The following CAST variants were observed in gnomAD, a reference collection of about 807,000 sequenced individuals.
CAST encodes MIR583 host.
In CAST, 76 loss-of-function variants were observed where a neutral mutation model predicts 119.6. The ratio of observed to expected loss-of-function variants is 0.64; its 90% CI spans 0.53 to 0.77. The LOEUF (loss-of-function observed/expected upper bound fraction) is 0.77. CAST is among the 30% of genes least tolerant of loss of function. The pLI is 0.00. For synonymous variants in CAST, 319 were observed against 331.6 expected (o/e 0.96, Z 0.41); for missense variants, 953 against 946.5 (o/e 1.01, Z -0.09).
chr5:96,378,213 C>G, the CAST span, among the ~76,000 whole-genome samples: 1 of 152,050 alleles, frequency 6.6e-6, no homozygotes, highest in Non-Finnish European at 1.5e-5. Context: ...TATAAAGTTT[C>G]AGTTATACAA....
the CAST span, among the ~76,000 whole-genome samples, chr5:96,064,343 A>G: frequency 3.9e-5 from 6 of 152,182 alleles, no homozygotes; most frequent in African/African-American, 1.2e-4. Flanking sequence ...AGACTCTCAT[A>G]AACCTAGAGT....
In CAST at chr5:96,662,456, C is replaced by T; in HGVS notation, c.34C>T (p.Pro12Ser). The change falls in exon 1 of 32, where the codon CCG becomes TCG. Residue 12 changes from proline to serine, a missense_variant. Physicochemically the swap from Pro to Ser is moderately conservative, Grantham distance 74. Coordinates refer to ENST00000675179, the MANE Select transcript of CAST (RefSeq NM_001750.7). Reference sequence around the variant, plus strand: ...GCCCGGCCAGAAGCCCGCCGCCTCCCCGCGGCCCCGGCGAGCAGCCGCCGC... The same window carrying T: ...GCCCGGCCAGAAGCCCGCCGCCTCCTCGCGGCCCCGGCGAGCAGCCGCCGC... ...SQPGQKPAASPRPRRAAAARR... is the reference protein window; with the variant it reads ...SQPGQKPAASSRPRRAAAARR... 1 of 1,438,160 alleles carries T rather than the reference C, an allele frequency of 7.0e-7. No individual in the cohort carries two copies. The highest frequency in any genetic ancestry group is 9.1e-7 in the Non-Finnish European group (1 of 1,100,514). The allele number at this position is 1,438,160 out of a possible 1,614,324, so 89.1% of individuals were successfully genotyped here. A position where few individuals can be genotyped will look rare whatever the true frequency, so the allele number is the denominator to read the frequency against.
At chr5:96,178,510 A>G in the CAST span, among the ~76,000 whole-genome samples, 4 of 152,318 alleles carry the variant, frequency 2.6e-5, no homozygotes, top group Admixed American at 2.6e-4. Context: ...GGGGGCTAAT[A>G]GAATAGAAGA....
the CAST span, among the ~76,000 whole-genome samples, chr5:96,111,219 C>A: frequency 1.2e-4 from 18 of 152,162 alleles, no homozygotes; most frequent in African/African-American, 4.3e-4. Context: ...CTAAAGGATA[C>A]AAATGAACAG....
intron 1 of CAST, among the ~76,000 whole-genome samples, chr5:96,605,484 TCTC>T (rs1297030869): frequency 1.3e-5 from 2 of 152,252 alleles, no homozygotes; most frequent in African/African-American, 4.8e-5. Context: ...TATTTTGCCT[TCTC>T]CTGATCTTGT....
chr5:96,108,611 C>T, the CAST span, among the ~76,000 whole-genome samples: 1 of 152,150 alleles, frequency 6.6e-6, no homozygotes. Context: ...TCTGGGAGAA[C>T]CACTGCTCTC....
At chr5:96,520,842 C>T (rs534838365), upstream of CAST, among the ~76,000 whole-genome samples, 6 of 152,242 alleles carry the variant, frequency 3.9e-5, no homozygotes, top group East Asian at 9.7e-4. Context: ...CCATTCCAGA[C>T]CCTGAATGGA....
At chr5:96,160,580 A>C in the CAST span, among the ~76,000 whole-genome samples, 1 of 152,130 alleles carries the variant, frequency 6.6e-6, no homozygotes, top group Non-Finnish European at 1.5e-5. Flanking sequence ...CATTATGTTC[A>C]AGTTTTGAGT....
chr5:96,220,730 ATTTTGTTTCTAAATAG>A, the CAST span, among the ~76,000 whole-genome samples: 2 of 152,188 alleles, frequency 1.3e-5, no homozygotes, highest in African/African-American at 4.8e-5. Context: ...TGTTTGATTC[ATTTTGTTTCTAAATAG>A]TTCTAAGCTT....
the CAST span, among the ~76,000 whole-genome samples, chr5:96,044,038 A>C: frequency 6.6e-6 from 1 of 152,256 alleles, no homozygotes; most frequent in Non-Finnish European, 1.5e-5. Flanking sequence ...TAGATCTTAG[A>C]AACACAATAT....
chr5:96,401,521 TC>T, the CAST span, among the ~76,000 whole-genome samples: 2 of 152,308 alleles, frequency 1.3e-5, no homozygotes, highest in Non-Finnish European at 2.9e-5. Flanking sequence ...AAATCATAAG[TC>T]TTAGTAAGAT....
At chr5:96,608,663 G>T (rs261209) in intron 1 of CAST, among the ~76,000 whole-genome samples, 56,013 of 152,004 alleles carry the variant, frequency 0.37, 11,056 homozygotes, top group Admixed American at 0.45. Flanking sequence ...ATTCTTGCAT[G>T]GTTATAAAGA....
At chr5:96,019,937 T>C in the CAST span, among the ~76,000 whole-genome samples, 2 of 152,254 alleles carry the variant, frequency 1.3e-5, no homozygotes, top group African/African-American at 2.4e-5. Flanking sequence ...TTATTAAGCA[T>C]GTGCCTCTTG....
chr5:96,478,081 T>G, the CAST span, among the ~76,000 whole-genome samples: 1 of 152,252 alleles, frequency 6.6e-6, no homozygotes, highest in Non-Finnish European at 1.5e-5. Context: ...TCCTTATATA[T>G]CTTGCTCTTT....
At chr5:96,667,019 A>G (rs1364881971) in intron 1 of CAST, among the ~76,000 whole-genome samples, 4 of 152,146 alleles carry the variant, frequency 2.6e-5, no homozygotes, top group Non-Finnish European at 5.9e-5. Flanking sequence ...TCATGAAAAC[A>G]TACCCAGAAA....
chr5:96,512,046 G>A, the CAST span, among the ~76,000 whole-genome samples: 267 of 152,326 alleles, frequency 1.8e-3, 2 homozygotes, highest in African/African-American at 6.0e-3. Flanking sequence ...TTCTGTGAGT[G>A]CAGAAATTTT....
In CAST at chr5:96,697,042, C is replaced by T. The variant is rs558607236; in HGVS notation, c.210+1135C>T. Among the ~76,000 whole-genome samples the T allele has an allele frequency of 3.3e-5, 5 of 151,970 alleles. No homozygotes were observed. The East Asian group carries it at 9.7e-4, about 29-fold the overall frequency. On this transcript the variant is annotated intron_variant, in intron 3 of 31. Coordinates refer to ENST00000675179, the MANE Select transcript of CAST (RefSeq NM_001750.7). ...TGGGCATGGTGTGTGGTGGTGCGCA[C>T]CTGTAGTCCCAGCTACTGGGGAGGC... is the stretch of plus-strand genomic sequence containing the variant.
At chr5:96,527,244 A>T (rs543574858), upstream of CAST, among the ~76,000 whole-genome samples, 2 of 152,320 alleles carry the variant, frequency 1.3e-5, no homozygotes, top group African/African-American at 4.8e-5. Flanking sequence ...ACTGTGTTTT[A>T]GGGGGCCAAT....
the CAST span, among the ~76,000 whole-genome samples, chr5:96,155,512 T>A: frequency 4.2e-4 from 64 of 152,326 alleles, no homozygotes; most frequent in South Asian, 1.2e-3. Context: ...TTTTTAAACA[T>A]GCATTTTCAT....
Sources: allele counts gnomAD v4.1 joint callset (sites outside exome capture counted in the v4.1 genomes callset), GRCh38; gene constraint gnomAD v4.1.1; transcripts MANE v1.5; gene names NCBI Gene and HGNC (gene_info 2026-07-23, HGNC 2026-07-21).